Variants in LRIT1 observed in about 807,000 individuals in gnomAD.
The protein encoded by LRIT1 is leucine rich repeat, Ig-like and transmembrane domains 1.
In LRIT1, 23 loss-of-function variants were observed where a neutral mutation model predicts 24.0. That is an observed-to-expected ratio of 0.96 (90% CI 0.69 to 1.36). LRIT1 has a LOEUF of 1.36. Ranked by LOEUF, LRIT1 falls within the 40% of genes most tolerant of loss-of-function variation. The pLI is 0.00. For missense variants in LRIT1, 846 were observed against 806.3 expected (o/e 1.05, Z -0.60); for synonymous variants, 361 against 340.5 (o/e 1.06, Z -0.66).
chr10:84,233,513 T>A (rs1459494433), intron 3 of LRIT1, among the ~76,000 whole-genome samples: 2 of 152,144 alleles, frequency 1.3e-5, no homozygotes, highest in Non-Finnish European at 2.9e-5. Context: ...TCAGCTAGAT[T>A]GTGCTGGAAC....
chr10:84,232,926 T>C (rs780833289), intron 3 of LRIT1, 23 bp from the exon 4 acceptor site: 4 of 1,597,006 alleles, frequency 2.5e-6, no homozygotes, highest in Non-Finnish European at 2.6e-6. Flanking sequence ...CAGGCATGTG[T>C]GGGAGAACGA....
At position 84,231,535 on chromosome 10, in the gene LRIT1, G is replaced by A. The variant is rs1167038608; in HGVS notation, c.*392C>T. The A allele has an allele frequency of 4.5e-6, 1 of 219,970 alleles. No homozygotes were observed. Among genetic ancestry groups the A allele is most frequent in the Non-Finnish European group, 9.1e-6 (1 of 109,688 alleles). 13.6% of individuals were successfully genotyped at this position (219,970 alleles called of 1,614,324 possible). On this transcript the variant is annotated 3_prime_UTR_variant, in exon 4 of 4. Transcript: ENST00000372105. Reference sequence around the variant, plus strand: ...CTCCAAATGAAACACACAGAGCAGAGCCACCCTAATCAACCCACAGGCCTG... The same window carrying A: ...CTCCAAATGAAACACACAGAGCAGAACCACCCTAATCAACCCACAGGCCTG...
intron 3 of LRIT1, 41 bp downstream of exon 3, chr10:84,234,032 C>G: frequency 7.1e-7 from 1 of 1,401,634 alleles, no homozygotes; most frequent in Non-Finnish European, 9.3e-7. Flanking sequence ...TTGCCCTCCC[C>G]AGTCTAGGTT....
Position 84,237,520 on chromosome 10 carries a change from C to T in LRIT1, c.289G>A (p.Glu97Lys), listed in dbSNP as rs754898809. The T allele has an allele frequency of 6.2e-7, 1 of 1,603,804 alleles. No homozygotes were observed. The highest frequency in any genetic ancestry group is 8.5e-7 in the Non-Finnish European group (1 of 1,178,796). The change falls in exon 2 of 4, where the codon GAG becomes AAG. Residue 97 changes from glutamate (E) to lysine (K), a missense_variant. Glu to Lys is a moderately conservative substitution (Grantham distance 56, BLOSUM62 1). Transcript: ENST00000372105. ...QLWLPYNALS[E>K]LNALMLRGLR... ...CCCCGCAGCATGAGGGCGTTGAGCT[C>T]GCTGAGGGCGTTGTAAGGCAGCCAC...
At chr10:84,239,513 G>A (rs535411015) in intron 1 of LRIT1, among the ~76,000 whole-genome samples, 68 of 152,244 alleles carry the variant, frequency 4.5e-4, no homozygotes, top group Non-Finnish European at 8.1e-4. Context: ...AAAGACAGGT[G>A]ATTGGAAAAC....
intron 1 of LRIT1, among the ~76,000 whole-genome samples, chr10:84,238,338 C>G (rs1462740403): frequency 6.7e-6 from 1 of 148,302 alleles, no homozygotes; most frequent in East Asian, 2.0e-4. Context: ...CTGGGTGACA[C>G]AGCAAGACTG....
chr10:84,232,919 G>GC lies in LRIT1; in HGVS notation c.896-17dup. 1 of 1,602,242 alleles carries GC rather than the reference G, an allele frequency of 6.2e-7. No homozygotes were observed. Among genetic ancestry groups the GC allele is most frequent in the Non-Finnish European group, 8.5e-7 (1 of 1,177,438 alleles). On this transcript the variant is annotated splice_polypyrimidine_tract_variant and intron_variant, in intron 3 of 3. Coordinates refer to ENST00000372105, the MANE Select transcript of LRIT1 (RefSeq NM_015613.3). Reference sequence around the variant, plus strand: ...TCCTGGTGCACTAGGAGGAAAACAGGCATGTGTGGGAGAACGAATGGGCCC... The same window carrying GC: ...TCCTGGTGCACTAGGAGGAAAACAGGCCATGTGTGGGAGAACGAATGGGCCC...
chr10:84,238,409 T>G (rs1045125999), intron 1 of LRIT1, among the ~76,000 whole-genome samples: 1 of 152,012 alleles, frequency 6.6e-6, no homozygotes, highest in African/African-American at 2.4e-5. Flanking sequence ...TGTAACTGTT[T>G]TGGTTTATCG....
In LRIT1 at chr10:84,232,766, C is replaced by T. The variant is rs1397220310; in HGVS notation, c.1033G>A (p.Val345Ile). The T allele has an allele frequency of 6.2e-7, 1 of 1,614,042 alleles. No individual in the cohort carries two copies. Among genetic ancestry groups the T allele is most frequent in the Admixed American group, 1.7e-5 (1 of 60,020 alleles). ...TCTGTGGAAGTCGGTGGCTCAGTGA[C>T]AATCAAGGAGATAACAGTTTCAGAG... is the stretch of plus-strand genomic sequence containing the variant. ...GASETVISLI[V>I]TEPPTSTEHS... The change falls in exon 4 of 4, where the codon GTC becomes ATC. Residue 345 changes from valine (V) to isoleucine (I), a missense_variant. Val to Ile is a conservative substitution (Grantham distance 29). Coordinates refer to ENST00000372105, the MANE Select transcript of LRIT1 (RefSeq NM_015613.3).
chr10:84,238,944 G>A (rs534868050), intron 1 of LRIT1, among the ~76,000 whole-genome samples: 1 of 152,322 alleles, frequency 6.6e-6, no homozygotes, highest in Admixed American at 6.5e-5. Flanking sequence ...AAGCCCCCCA[G>A]CCACTGAACA....
chr10:84,234,437 A>G (rs1842632203), intron 2 of LRIT1, 59 bp from the exon 3 acceptor site: 2 of 1,364,820 alleles, frequency 1.5e-6, no homozygotes, highest in African/African-American at 1.5e-5. Context: ...CCTCAGGCCC[A>G]GCACCCCTTC....
intron 2 of LRIT1, 147 bp downstream of exon 2, chr10:84,237,073 T>G: frequency 1.5e-6 from 1 of 661,466 alleles, no homozygotes; most frequent in Non-Finnish European, 2.6e-6. Context: ...GCTTGTGGAT[T>G]GAGCTCCTAA....
At chr10:84,239,584 A>T (rs534927692) in intron 1 of LRIT1, among the ~76,000 whole-genome samples, 14 of 152,224 alleles carry the variant, frequency 9.2e-5, no homozygotes, top group African/African-American at 3.1e-4. Flanking sequence ...TAAGAACTCA[A>T]TGCAAGCCTA....
intron 3 of LRIT1, 85 bp from the exon 4 acceptor site, chr10:84,232,988 G>C: frequency 7.0e-7 from 1 of 1,438,044 alleles, no homozygotes; most frequent in East Asian, 2.4e-5. Context: ...ACAGCCCCAG[G>C]TGGTACACAC....
chr10:84,233,002 G>A, intron 3 of LRIT1, 99 bp from the exon 4 acceptor site: 1 of 1,324,570 alleles, frequency 7.5e-7, no homozygotes, highest in East Asian at 2.4e-5. Flanking sequence ...TACACACTCA[G>A]GTGTCATCGT....
Position 84,231,637 on chromosome 10 carries a change from G to A in LRIT1, c.*290C>T, listed in dbSNP as rs1384545726. 2.4e-6 allele frequency: 1 copy of A among 421,080 alleles called. No homozygotes were observed. Among genetic ancestry groups the A allele is most frequent in the Non-Finnish European group, 4.3e-6 (1 of 230,470 alleles). The allele number at this position is 421,080 out of a possible 1,614,324, so 26.1% of individuals were successfully genotyped here. On this transcript the variant is annotated 3_prime_UTR_variant, in exon 4 of 4. Transcript: ENST00000372105. ...ATTTGTTATACAGCAAAAGCTGACTGATACAGGCAAGTTTCTTAACCCCCC... is the reference window on the plus strand; with the variant it reads ...ATTTGTTATACAGCAAAAGCTGACTAATACAGGCAAGTTTCTTAACCCCCC...
At position 84,232,494 on chromosome 10, in the gene LRIT1, C is replaced by T; in HGVS notation, c.1305G>A (p.Lys435=). 6.2e-7 allele frequency: 1 copy of T among 1,614,200 alleles called. No homozygotes were observed. The highest frequency in any genetic ancestry group is 8.5e-7 in the Non-Finnish European group (1 of 1,180,036). ...CGCTGTGGTAAGTGTCCCCCACCACCTTCACAGACCTCACCATTCGTGCCT... is the reference window on the plus strand; with the variant it reads ...CGCTGTGGTAAGTGTCCCCCACCACTTTCACAGACCTCACCATTCGTGCCT... ...PSEARMVRSV[K]VVGDTYHSVS... Residue 435 remains lysine (K), a synonymous_variant, in exon 4 of 4, where the codon AAG becomes AAA. Coordinates refer to ENST00000372105, the MANE Select transcript of LRIT1 (RefSeq NM_015613.3).
In LRIT1 at chr10:84,232,529, C is replaced by T. The variant is rs1212136357; in HGVS notation, c.1270G>A (p.Gly424Arg). The change falls in exon 4 of 4, where the codon GGA becomes AGA. Residue 424 changes from glycine to arginine, a missense_variant. Transcript: ENST00000372105. ...ALGELSDGRA[G>R]PSEARMVRSV... Reference sequence around the variant, plus strand: ...CTCACCATTCGTGCCTCTGAGGGTCCTGCCCGCCCATCAGAGAGCTCTCCC... The same window carrying T: ...CTCACCATTCGTGCCTCTGAGGGTCTTGCCCGCCCATCAGAGAGCTCTCCC... The T allele has an allele frequency of 2.5e-6, 4 of 1,614,092 alleles. No individual in the cohort carries two copies. Among genetic ancestry groups the T allele is most frequent in the Admixed American group, 3.3e-5 (2 of 60,008 alleles).
At chr10:84,238,910 T>C (rs1022431263) in intron 1 of LRIT1, among the ~76,000 whole-genome samples, 2 of 152,222 alleles carry the variant, frequency 1.3e-5, no homozygotes, top group African/African-American at 4.8e-5. Flanking sequence ...TGTTTTATAC[T>C]ACGTAAACTG....
Sources: gnomAD v4.1 joint callset for allele counts (sites outside exome capture counted in the v4.1 genomes callset) on GRCh38, gnomAD v4.1.1 for gene constraint, MANE v1.5 for transcripts, NCBI Gene and HGNC (gene_info 2026-07-23, HGNC 2026-07-21) for gene names.